Variants in LSM7 observed in about 807,000 individuals in gnomAD.
LSM7 encodes U6 snRNA-associated Sm-like protein LSm7.
In LSM7, 13 loss-of-function variants were observed where a neutral mutation model predicts 14.1. The observed-to-expected ratio is 0.92, with a 90% confidence interval of 0.60 to 1.47. The LOEUF (loss-of-function observed/expected upper bound fraction) is 1.47, where lower values mean the gene tolerates loss of function less well. Ranked by LOEUF, LSM7 falls within the 40% of genes most tolerant of loss-of-function variation. LSM7 has a pLI of 0.00. For missense variants in LSM7, 108 were observed against 140.8 expected (o/e 0.77, Z 1.18); for synonymous variants, 70 against 57.1 (o/e 1.23, Z -1.02).
intron 2 of LSM7, among the ~76,000 whole-genome samples, chr19:2,325,131 C>A (rs79827094): frequency 0.11 from 17,341 of 152,238 alleles, 1,094 homozygotes; most frequent in African/African-American, 0.14. Flanking sequence ...ACGCTGCCTG[C>A]CCCACCCCTC....
At chr19:2,323,347 C>T (rs911636314) in intron 3 of LSM7, among the ~76,000 whole-genome samples, 4 of 152,210 alleles carry the variant, frequency 2.6e-5, no homozygotes, top group African/African-American at 4.8e-5. Flanking sequence ...CTCCGCTGGG[C>T]GCCACAGCTC....
At chr19:2,325,064 T>G (rs562079623) in intron 2 of LSM7, among the ~76,000 whole-genome samples, 1 of 152,288 alleles carries the variant, frequency 6.6e-6, no homozygotes, top group East Asian at 1.9e-4. Context: ...AGAGATGCTC[T>G]GAGACCCAGG....
intron 2 of LSM7, among the ~76,000 whole-genome samples, chr19:2,326,537 T>C (rs909304056): frequency 2.0e-5 from 3 of 152,230 alleles, no homozygotes; most frequent in African/African-American, 7.2e-5. Context: ...GGCCTTGCCA[T>C]GTAGGCCAGG....
At chr19:2,324,055 CGT>C in intron 3 of LSM7, 68 bp downstream of exon 3, 3 of 599,792 alleles carry the variant, frequency 5.0e-6, no homozygotes, top group South Asian at 3.4e-5. Context: ...CTGCCCCCCT[CGT>C]CCCGCTGCCC....
chr19:2,326,759 C>T (rs1016739478), intron 2 of LSM7, among the ~76,000 whole-genome samples: 1 of 152,234 alleles, frequency 6.6e-6, no homozygotes, highest in Non-Finnish European at 1.5e-5. Context: ...CGTGAGCCCC[C>T]GCACCCGGCC....
intron 1 of LSM7, 26 bp downstream of exon 1, chr19:2,328,535 G>C (rs565310663): frequency 6.2e-6 from 10 of 1,605,510 alleles, no homozygotes; most frequent in Non-Finnish European, 7.6e-6. Context: ...CACGCCCCCC[G>C]GCTCCAGATT....
intron 2 of LSM7, chr19:2,324,927 G>C (rs1403093972): frequency 6.5e-6 from 1 of 152,702 alleles, no homozygotes; most frequent in East Asian, 1.9e-4. Context: ...AGGGGAGACA[G>C]AGTGCTCCGC....
At chr19:2,327,427 G>A (rs1000782586) in intron 2 of LSM7, among the ~76,000 whole-genome samples, 1 of 152,112 alleles carries the variant, frequency 6.6e-6, no homozygotes, top group African/African-American at 2.4e-5. Context: ...TATTTTAGTA[G>A]AGACAGGGTT....
intron 2 of LSM7, among the ~76,000 whole-genome samples, chr19:2,325,308 A>C (rs1599179720): frequency 7.7e-6 from 1 of 129,886 alleles, no homozygotes; most frequent in African/African-American, 3.1e-5. Context: ...TCTGCCTGGG[A>C]CTCCCCTCCA....
chr19:2,328,528 G>C (rs879454404), intron 1 of LSM7, 33 bp downstream of exon 1: 3 of 1,607,352 alleles, frequency 1.9e-6, no homozygotes, highest in Admixed American at 3.4e-5. Context: ...CGAGCTCCAC[G>C]CCCCCCGGCT....
chr19:2,323,952 C>A (rs562836938), intron 3 of LSM7, among the ~76,000 whole-genome samples, 173 bp downstream of exon 3: 2 of 152,240 alleles, frequency 1.3e-5, no homozygotes, highest in South Asian at 4.1e-4. Flanking sequence ...GTCCATCGGC[C>A]GCCACGAGGC....
chr19:2,322,022 G>A (rs1176470041), intron 3 of LSM7, among the ~76,000 whole-genome samples, 200 bp from the exon 4 acceptor site: 4 of 152,212 alleles, frequency 2.6e-5, no homozygotes, highest in African/African-American at 9.6e-5. Context: ...GAGACCAGTG[G>A]CAGCTCCACA....
At position 2,322,398 on chromosome 19, in the gene LSM7, G is replaced by A. The variant is rs368113677; in HGVS notation, c.170-576C>T. ...ACTAAAAAATACAAAAAAATTAGCCGGGCGTGGTGGCAGGCACTTGGAGTC... is the reference window on the plus strand; with the variant it reads ...ACTAAAAAATACAAAAAAATTAGCCAGGCGTGGTGGCAGGCACTTGGAGTC... On this transcript the variant is annotated intron_variant, in intron 3 of 3. Coordinates refer to ENST00000252622, the MANE Select transcript of LSM7 (RefSeq NM_016199.3). Among the ~76,000 whole-genome samples, 299 of 152,280 alleles carry A rather than the reference G, an allele frequency of 2.0e-3. 3 individuals carry two copies. In the South Asian group the frequency reaches 0.03, roughly 15 times the overall value.
intron 2 of LSM7, chr19:2,328,090 G>C (rs1599182853): frequency 3.3e-6 from 1 of 306,106 alleles, no homozygotes; most frequent in Non-Finnish European, 6.2e-6. Flanking sequence ...AGACCATCCT[G>C]GCCAACATGG....
rs1217398107 is a variant in LSM7, at chr19:2,324,392, C to CG, written c.98-197dup. On this transcript the variant is annotated intron_variant, in intron 2 of 3. Transcript: ENST00000252622. ...CACCACAGGCAGCAGACCACGTCTG[C>CG]GGGGGGCCAGATGGCAAACACTTCT... 8 of 571,590 alleles carry CG rather than the reference C, an allele frequency of 1.4e-5. No homozygotes were observed. The East Asian group carries it at 2.0e-4, about 14-fold the overall frequency. 35.4% of individuals were successfully genotyped at this position (571,590 alleles called of 1,614,324 possible).
intron 2 of LSM7, chr19:2,328,132 G>T (rs1441904806): frequency 1.7e-5 from 7 of 422,904 alleles, no homozygotes; most frequent in South Asian, 1.2e-4. Context: ...TATTAGCCGG[G>T]CGTGGTGGTA....
At chr19:2,327,542 C>T (rs1419965721) in intron 2 of LSM7, among the ~76,000 whole-genome samples, 1 of 151,644 alleles carries the variant, frequency 6.6e-6, no homozygotes, top group African/African-American at 2.4e-5. Context: ...TGCCTGGCCT[C>T]CTTTTTCTCT....
intron 2 of LSM7, among the ~76,000 whole-genome samples, chr19:2,326,700 A>G (rs528380830): frequency 3.3e-5 from 5 of 152,306 alleles, no homozygotes; most frequent in African/African-American, 1.2e-4. Context: ...CGAACTCCTG[A>G]CCTCAGGTGA....
chr19:2,322,534 C>T (rs567524786), intron 3 of LSM7, among the ~76,000 whole-genome samples: 1 of 152,162 alleles, frequency 6.6e-6, no homozygotes, highest in East Asian at 1.9e-4. Context: ...GAGCGAGATT[C>T]CATCTCAAAA....
Sources: gnomAD v4.1 joint callset for allele counts (sites outside exome capture counted in the v4.1 genomes callset) on GRCh38, gnomAD v4.1.1 for gene constraint, MANE v1.5 for transcripts, NCBI Gene and HGNC (gene_info 2026-07-23, HGNC 2026-07-21) for gene names.